PPM1H: variants seen among roughly 807,000 people sequenced by gnomAD.
PPM1H encodes the protein protein phosphatase 1H.
A neutral mutation model predicts 54.9 loss-of-function variants in PPM1H; 27 were observed. That is an observed-to-expected ratio of 0.49 (90% CI 0.36 to 0.68). The LOEUF (loss-of-function observed/expected upper bound fraction) is 0.68, where lower values mean the gene tolerates loss of function less well. PPM1H is among the 30% of genes least tolerant of loss of function. PPM1H has a pLI of 0.00. For missense variants in PPM1H, 596 were observed against 667.8 expected (o/e 0.89, Z 1.19); for synonymous variants, 305 against 270.8 (o/e 1.13, Z -1.24).
At position 62,645,161 on chromosome 12, in the gene PPM1H, C is replaced by T. The variant is rs1370161369; in HGVS notation, c.*3328G>A. On this transcript the variant is annotated 3_prime_UTR_variant, in exon 10 of 10. Coordinates refer to ENST00000228705, the MANE Select transcript of PPM1H (RefSeq NM_020700.2). ...CTAGTGCTCTTGTTAAATGGAAAACCCTTCCTGAATGGGGAAGATCTGAGG... is the reference window on the plus strand; with the variant it reads ...CTAGTGCTCTTGTTAAATGGAAAACTCTTCCTGAATGGGGAAGATCTGAGG... 6.6e-6 allele frequency: 1 copy of T among 152,020 alleles called. No individual in the cohort carries two copies. The allele number at this position is 152,020 out of a possible 1,614,324, so 9.4% of individuals were successfully genotyped here. A position where few individuals can be genotyped will look rare whatever the true frequency, so the allele number is the denominator to read the frequency against.
At chr12:62,745,067 G>T (rs1465292424) in intron 4 of PPM1H, among the ~76,000 whole-genome samples, 1 of 152,100 alleles carries the variant, frequency 6.6e-6, no homozygotes, top group African/African-American at 2.4e-5. Context: ...AGGTTTGGTT[G>T]TTACTTTCTG....
chr12:62,925,063 A>C (rs1398526617), intron 1 of PPM1H, among the ~76,000 whole-genome samples: 2 of 152,168 alleles, frequency 1.3e-5, no homozygotes, highest in East Asian at 3.8e-4. Flanking sequence ...AAGGAAATGC[A>C]CTCAATAAAC....
intron 9 of PPM1H, among the ~76,000 whole-genome samples, chr12:62,659,446 T>C (rs1457913009): frequency 6.6e-6 from 1 of 152,148 alleles, no homozygotes; most frequent in Non-Finnish European, 1.5e-5. Context: ...CATCTCTGCC[T>C]GAGAGGATGG....
At chr12:62,817,962 G>A (rs530186471) in intron 2 of PPM1H, among the ~76,000 whole-genome samples, 2 of 152,280 alleles carry the variant, frequency 1.3e-5, no homozygotes, top group East Asian at 3.9e-4. Flanking sequence ...AGCAGATACT[G>A]AAACCACACA....
At chr12:62,905,823 T>C (rs1443699289) in intron 1 of PPM1H, among the ~76,000 whole-genome samples, 1 of 152,154 alleles carries the variant, frequency 6.6e-6, no homozygotes, top group African/African-American at 2.4e-5. Context: ...ACCCCTTCCA[T>C]GTCTTACTAA....
intron 4 of PPM1H, chr12:62,755,114 T>G: frequency 2.6e-6 from 1 of 389,552 alleles, no homozygotes; most frequent in South Asian, 2.2e-5. Context: ...TGTCTTTCTT[T>G]TCTTAATCTT....
intron 2 of PPM1H, among the ~76,000 whole-genome samples, chr12:62,805,904 G>C (rs974599823): frequency 6.6e-6 from 1 of 152,126 alleles, no homozygotes; most frequent in Non-Finnish European, 1.5e-5. Context: ...GTATTAACTT[G>C]ATTGTGGCAG....
intron 4 of PPM1H, among the ~76,000 whole-genome samples, chr12:62,787,132 A>G (rs2076676793): frequency 6.6e-6 from 1 of 152,094 alleles, no homozygotes; most frequent in Non-Finnish European, 1.5e-5. Flanking sequence ...ATGGAAGTAA[A>G]ATTAAGGTGA....
At chr12:62,906,755 T>C (rs988044338) in intron 1 of PPM1H, among the ~76,000 whole-genome samples, 8 of 152,176 alleles carry the variant, frequency 5.3e-5, no homozygotes, top group Admixed American at 2.6e-4. Flanking sequence ...TGCTACACAG[T>C]TGATAAGAGT....
intron 5 of PPM1H, among the ~76,000 whole-genome samples, chr12:62,724,053 A>G (rs933342300): frequency 6.6e-6 from 1 of 152,196 alleles, no homozygotes; most frequent in South Asian, 2.1e-4. Flanking sequence ...GGAAAGAAAT[A>G]TCACACAGGG....
At chr12:62,648,675 A>T in intron 9 of PPM1H, 39 bp from the exon 10 acceptor site, 1 of 1,604,042 alleles carries the variant, frequency 6.2e-7, no homozygotes, top group Non-Finnish European at 8.5e-7. Flanking sequence ...TCAGTAGAGC[A>T]TCAGACAGAA....
chr12:62,927,919 TA>T (rs1209504959), intron 1 of PPM1H, among the ~76,000 whole-genome samples: 1 of 152,184 alleles, frequency 6.6e-6, no homozygotes, highest in African/African-American at 2.4e-5. Context: ...GAATTTCCTA[TA>T]ATGAGTATCT....
intron 1 of PPM1H, among the ~76,000 whole-genome samples, chr12:62,845,791 T>C (rs1168709890): frequency 6.6e-6 from 1 of 152,210 alleles, no homozygotes; most frequent in South Asian, 2.1e-4. Context: ...ACCTGTAGAA[T>C]ATCTGCCTTT....
At chr12:62,863,350 GATT>G (rs1161676932) in intron 1 of PPM1H, among the ~76,000 whole-genome samples, 1 of 152,184 alleles carries the variant, frequency 6.6e-6, no homozygotes, top group African/African-American at 2.4e-5. Context: ...AAGTAAAAAT[GATT>G]ATAACTTTAA....
At chr12:62,933,360 T>G (rs142016268) in intron 1 of PPM1H, among the ~76,000 whole-genome samples, 1 of 152,008 alleles carries the variant, frequency 6.6e-6, no homozygotes, top group East Asian at 1.9e-4. Flanking sequence ...CCCCGGGGTA[T>G]CCGGGCCACC....
intron 3 of PPM1H, among the ~76,000 whole-genome samples, chr12:62,795,865 T>C (rs762778051): frequency 1.1e-4 from 16 of 152,132 alleles, no homozygotes; most frequent in Non-Finnish European, 1.8e-4. Flanking sequence ...TAGCTGGGAT[T>C]GCAGGCATGT....
rs553778346 is a variant in PPM1H, at chr12:62,849,537, T to C, written c.246-17258A>G. 1.4e-3 allele frequency among the ~76,000 whole-genome samples: 216 copies of C among 152,212 alleles called. 1 individual carries two copies. Among genetic ancestry groups the C allele is most frequent in the Middle Eastern group, 3.4e-3 (1 of 294 alleles). On this transcript the variant is annotated intron_variant, in intron 1 of 9. Transcript: ENST00000228705. ...AAGGAAGCTGAGCAGCTCTCAGATC[T>C]AGAAGGAAAACCAAGGGTCCACTAG...
intron 7 of PPM1H, among the ~76,000 whole-genome samples, chr12:62,693,209 T>G (rs1468709004): frequency 2.0e-5 from 3 of 152,314 alleles, no homozygotes; most frequent in African/African-American, 7.2e-5. Context: ...CTCCAGGATT[T>G]CAACCTCCTC....
At chr12:62,876,167 T>C (rs1254762909) in intron 1 of PPM1H, among the ~76,000 whole-genome samples, 1 of 152,098 alleles carries the variant, frequency 6.6e-6, no homozygotes, top group Non-Finnish European at 1.5e-5. Context: ...AAAATTAAAA[T>C]AAGGATCAAT....
Sources: allele counts gnomAD v4.1 joint callset (sites outside exome capture counted in the v4.1 genomes callset), GRCh38; gene constraint gnomAD v4.1.1; transcripts MANE v1.5; gene names NCBI Gene and HGNC (gene_info 2026-07-23, HGNC 2026-07-21).